The following SKAP2 variants were observed in gnomAD, a reference collection of about 807,000 sequenced individuals.
SKAP2 encodes the protein src kinase-associated phosphoprotein 2.
Under a neutral mutation model 54.9 loss-of-function variants are expected in SKAP2, and 28 were observed. The observed-to-expected ratio is 0.51, with a 90% confidence interval of 0.38 to 0.70. The LOEUF (loss-of-function observed/expected upper bound fraction) is 0.70. Ranked by LOEUF, SKAP2 falls within the 30% of genes least tolerant of loss-of-function variation. SKAP2 has a pLI of 0.00. For missense variants in SKAP2, 356 were observed against 424.1 expected (o/e 0.84, Z 1.41); for synonymous variants, 137 against 134.3 (o/e 1.02, Z -0.14).
At chr7:26,839,967 T>A (rs1247249133) in intron 4 of SKAP2, among the ~76,000 whole-genome samples, 1 of 152,012 alleles carries the variant, frequency 6.6e-6, no homozygotes, top group African/African-American at 2.4e-5. Flanking sequence ...TACATTGGAT[T>A]TTTGTAAAGA....
At chr7:26,760,040 C>A (rs959905860) in intron 4 of SKAP2, among the ~76,000 whole-genome samples, 2 of 152,044 alleles carry the variant, frequency 1.3e-5, no homozygotes, top group African/African-American at 4.8e-5. Flanking sequence ...CTAAAAGAAA[C>A]ATATGTTAAA....
At chr7:26,693,352 A>G (rs989932361) in intron 9 of SKAP2, among the ~76,000 whole-genome samples, 93 of 147,826 alleles carry the variant, frequency 6.3e-4, no homozygotes, top group Admixed American at 2.3e-3. Flanking sequence ...AAAAAAAAAA[A>G]AGAGACTGTG....
downstream of SKAP2, among the ~76,000 whole-genome samples, chr7:26,663,221 C>T (rs960507812): frequency 6.6e-6 from 1 of 152,068 alleles, no homozygotes; most frequent in African/African-American, 2.4e-5. Context: ...GGCTATAAGA[C>T]AGTCAGTACT....
chr7:26,794,636 A>T (rs1468546061), intron 4 of SKAP2, among the ~76,000 whole-genome samples: 2 of 152,240 alleles, frequency 1.3e-5, no homozygotes, highest in African/African-American at 4.8e-5. Context: ...GCCTGCTGCC[A>T]CTGGACTGTA....
At chr7:26,803,085 C>A (rs10238067) in intron 4 of SKAP2, among the ~76,000 whole-genome samples, 12,938 of 152,128 alleles carry the variant, frequency 0.085, 617 homozygotes, top group Middle Eastern at 0.16. Flanking sequence ...CAAAACCCCG[C>A]AAGCACAGGC....
chr7:26,736,264 CT>C (rs1262694030), intron 6 of SKAP2, among the ~76,000 whole-genome samples: 2 of 152,188 alleles, frequency 1.3e-5, no homozygotes, highest in Non-Finnish European at 2.9e-5. Context: ...AGGAAAGCAA[CT>C]GGCCAAAACC....
intron 11 of SKAP2, among the ~76,000 whole-genome samples, chr7:26,678,670 A>G (rs964298720): frequency 2.0e-5 from 3 of 152,038 alleles, no homozygotes; most frequent in Non-Finnish European, 4.4e-5. Context: ...CGAACTCCTG[A>G]CTTCAAGTGA....
intron 9 of SKAP2, among the ~76,000 whole-genome samples, chr7:26,721,392 C>T (rs148305219): frequency 9.2e-5 from 14 of 152,150 alleles, no homozygotes; most frequent in African/African-American, 3.1e-4. Flanking sequence ...ATAATAGTCT[C>T]ATGGAAAAAA....
chr7:26,725,471 T>C lies in SKAP2; in HGVS notation c.753A>G (p.Thr251=), dbSNP rs1562588328. The change falls in exon 9 of 13, where the codon ACA becomes ACG. Residue 251 remains threonine, a synonymous_variant. Transcript: ENST00000345317. ...TTTCATCATCTATTGGTTGACTGCT[T>C]GTTAGTGGATTGCTTATTGGTAGAG... The part of the protein sequence containing the change: ...DHPLPISNPL[T]SSQPIDDEIY... The C allele has an allele frequency of 6.2e-7, 1 of 1,612,272 alleles. No homozygotes were observed. The highest frequency in any genetic ancestry group is 1.7e-5 in the Admixed American group (1 of 59,928).
At chr7:26,715,603 C>G (rs760815858) in intron 9 of SKAP2, among the ~76,000 whole-genome samples, 19 of 152,016 alleles carry the variant, frequency 1.2e-4, no homozygotes, top group Non-Finnish European at 1.0e-4. Context: ...ATGGTGAAAC[C>G]CCGTCTCTAC....
chr7:26,861,791 C>G (rs1194913678), intron 1 of SKAP2, among the ~76,000 whole-genome samples: 2 of 151,586 alleles, frequency 1.3e-5, no homozygotes, highest in African/African-American at 4.8e-5. Flanking sequence ...CCCTTTTAAG[C>G]AGGTGAAATT....
chr7:26,756,210 G>A (rs1782789552), intron 4 of SKAP2, among the ~76,000 whole-genome samples: 1 of 151,962 alleles, frequency 6.6e-6, no homozygotes, highest in South Asian at 2.1e-4. Context: ...TTTAAGTTCG[G>A]GTACAGGTGC....
chr7:26,760,948 G>A (rs1782914789), intron 4 of SKAP2, among the ~76,000 whole-genome samples: 1 of 152,156 alleles, frequency 6.6e-6, no homozygotes, highest in African/African-American at 2.4e-5. Flanking sequence ...CCAAGAAAGA[G>A]AACTACTGGA....
intron 4 of SKAP2, among the ~76,000 whole-genome samples, chr7:26,760,848 G>A (rs1782912062): frequency 6.6e-6 from 1 of 152,078 alleles, no homozygotes; most frequent in South Asian, 2.1e-4. Context: ...GAAACAACAT[G>A]AAAGAACTGT....
chr7:26,761,845 A>G (rs2017796), intron 4 of SKAP2, among the ~76,000 whole-genome samples: 65,462 of 152,136 alleles, frequency 0.43, 14,566 homozygotes, highest in Middle Eastern at 0.49. Context: ...GGTTGCAGTG[A>G]GCTGAGATTG....
At chr7:26,656,541 A>T in the SKAP2 span, among the ~76,000 whole-genome samples, 5 of 152,328 alleles carry the variant, frequency 3.3e-5, no homozygotes, top group East Asian at 9.6e-4. Flanking sequence ...CCTTTCTTGA[A>T]TCTCCGTTAT....
chr7:26,864,486 G>A lies in SKAP2; in HGVS notation c.-57C>T, dbSNP rs1785334645. 7 of 1,546,432 alleles carry A rather than the reference G, an allele frequency of 4.5e-6. No homozygotes were observed. Among genetic ancestry groups the A allele is most frequent in the South Asian group, 1.2e-5 (1 of 81,880 alleles). On this transcript the variant is annotated 5_prime_UTR_variant, in exon 1 of 13. Coordinates refer to ENST00000345317, the MANE Select transcript of SKAP2 (RefSeq NM_003930.5). ...CCTGCGCTGAAAAGGTGACCGACGG[G>A]GTGGGGCTGCGGCTGCGACCTAGAC...
At chr7:26,850,966 C>T (rs1785026905) in intron 3 of SKAP2, among the ~76,000 whole-genome samples, 1 of 151,838 alleles carries the variant, frequency 6.6e-6, no homozygotes, top group Admixed American at 6.6e-5. Context: ...AAAAATTAGC[C>T]TAATACACAA....
intron 4 of SKAP2, among the ~76,000 whole-genome samples, chr7:26,752,686 T>C (rs10231691): frequency 0.048 from 7,361 of 152,262 alleles, 603 homozygotes; most frequent in African/African-American, 0.17. Context: ...AGCCATATCC[T>C]TTAACAAGCA....
Sources: allele counts gnomAD v4.1 joint callset (sites outside exome capture counted in the v4.1 genomes callset), GRCh38; gene constraint gnomAD v4.1.1; transcripts MANE v1.5; gene names NCBI Gene and HGNC (gene_info 2026-07-23, HGNC 2026-07-21).